The following FOCAD variants were observed in gnomAD, a reference collection of about 807,000 sequenced individuals.
The protein encoded by FOCAD is KIAA1797.
FOCAD carries 198 observed loss-of-function variants against 225.6 expected under a neutral mutation model. That is an observed-to-expected ratio of 0.88 (90% CI 0.78 to 0.99). The LOEUF is 0.99. FOCAD is among the 50% of genes least tolerant of loss of function. FOCAD has a pLI of 0.00. For synonymous variants in FOCAD, 897 were observed against 755.0 expected, an observed-to-expected ratio of 1.19 and a Z score of -3.08; for missense variants, 2,713 against 2,123.6, an observed-to-expected ratio of 1.28 and a Z score of -5.46.
intron 28 of FOCAD, among the ~76,000 whole-genome samples, chr9:20,941,472 GC>G (rs1489055813): frequency 6.6e-6 from 1 of 152,156 alleles, no homozygotes; most frequent in Non-Finnish European, 1.5e-5. Flanking sequence ...TACTTAATCT[GC>G]AGGATTGCCT....
At chr9:20,711,415 C>A (rs886907990) in intron 1 of FOCAD, among the ~76,000 whole-genome samples, 6 of 152,154 alleles carry the variant, frequency 3.9e-5, no homozygotes, top group Non-Finnish European at 5.9e-5. Flanking sequence ...ATTGAAAACC[C>A]GCTATGAAAA....
intron 18 of FOCAD, among the ~76,000 whole-genome samples, chr9:20,870,180 A>T (rs773830861): frequency 3.9e-5 from 6 of 152,202 alleles, no homozygotes; most frequent in Non-Finnish European, 8.8e-5. Flanking sequence ...TTCTAGGGTT[A>T]ATTTTAGAAA....
At chr9:20,678,905 T>G (rs2131294699) in intron 2 of FOCAD, among the ~76,000 whole-genome samples, 1 of 152,300 alleles carries the variant, frequency 6.6e-6, no homozygotes, top group Non-Finnish European at 1.5e-5. Flanking sequence ...GTTTCCTAGT[T>G]TGATTGTACC....
At chr9:20,794,752 C>A (rs1390124797) in intron 11 of FOCAD, among the ~76,000 whole-genome samples, 1 of 152,122 alleles carries the variant, frequency 6.6e-6, no homozygotes, top group South Asian at 2.1e-4. Context: ...TAATAGCACA[C>A]TGGGTATTGG....
In FOCAD at chr9:20,986,402, G is replaced by T. The variant is rs376770371; in HGVS notation, c.4843G>T (p.Val1615Leu). The change falls in exon 40 of 44, where the codon GTG (valine) becomes TTG (leucine). Residue 1615 changes from valine (V) to leucine (L), a missense_variant. By Grantham distance (32) the Val-to-Leu change is conservative. Coordinates refer to ENST00000338382, the MANE Select transcript of FOCAD (RefSeq NM_001375567.1). Reference sequence around the variant, plus strand: ...TGCTGTGCAGCACCGTGAGAAAGAGGTGTTGGCCTGGATGATTCTGCACAG... The same window carrying T: ...TGCTGTGCAGCACCGTGAGAAAGAGTTGTTGGCCTGGATGATTCTGCACAG... ...SVAVQHREKE[V>L]LAWMILHSLY... 1 of 1,613,058 alleles carries T rather than the reference G, an allele frequency of 6.2e-7. No individual in the cohort carries two copies.
At chr9:20,806,378 C>T (rs1171839932) in intron 11 of FOCAD, among the ~76,000 whole-genome samples, 4 of 152,114 alleles carry the variant, frequency 2.6e-5, no homozygotes, top group Non-Finnish European at 5.9e-5. Context: ...CTTTGTTCAG[C>T]CCAAGGTTGT....
chr9:20,868,597 AC>A (rs1051490181), intron 18 of FOCAD, among the ~76,000 whole-genome samples: 6 of 152,124 alleles, frequency 3.9e-5, no homozygotes, highest in Non-Finnish European at 7.4e-5. Context: ...TAAATGGTAA[AC>A]GTACTTAGAG....
intron 35 of FOCAD, among the ~76,000 whole-genome samples, chr9:20,963,444 C>A (rs1838951824): frequency 1.3e-5 from 2 of 152,144 alleles, no homozygotes; most frequent in Non-Finnish European, 2.9e-5. Context: ...TTGCCTGTTT[C>A]CCTAGATCCT....
At chr9:20,896,929 G>C (rs1192870027) in intron 21 of FOCAD, 2 of 151,764 alleles carry the variant, frequency 1.3e-5, no homozygotes, top group African/African-American at 4.8e-5. Flanking sequence ...TGGTGTTTTT[G>C]AGTTCAACTG....
chr9:20,932,800 A>AT (rs1229758766), intron 27 of FOCAD, among the ~76,000 whole-genome samples: 1 of 152,224 alleles, frequency 6.6e-6, no homozygotes, highest in African/African-American at 2.4e-5. Flanking sequence ...GCAAGTGATT[A>AT]TACTGCTCAG....
Position 20,949,617 on chromosome 9 carries a change from C to T in FOCAD, c.3890C>T (p.Ala1297Val). The change falls in exon 33 of 44, where the codon GCC becomes GTC. Residue 1297 changes from alanine to valine, a missense_variant. Ala to Val is a moderately conservative substitution (Grantham distance 64). Transcript: ENST00000338382. ...EGDVMQLKSEAIQTSHFQGRL... is the reference protein window; with the variant it reads ...EGDVMQLKSEVIQTSHFQGRL... ...TTATTCTTTCAGCTGAAATCAGAAGCCATCCAGACCTCTCATTTTCAAGGC... is the reference window on the plus strand; with the variant it reads ...TTATTCTTTCAGCTGAAATCAGAAGTCATCCAGACCTCTCATTTTCAAGGC... 6.2e-7 allele frequency: 1 copy of T among 1,613,016 alleles called. No individual in the cohort carries two copies. Among genetic ancestry groups the T allele is most frequent in the Non-Finnish European group, 8.5e-7 (1 of 1,179,252 alleles).
At chr9:20,874,084 C>CA (rs1830023252) in intron 18 of FOCAD, 1 of 152,056 alleles carries the variant, frequency 6.6e-6, no homozygotes, top group Non-Finnish European at 1.5e-5. Flanking sequence ...CAAAAATCCT[C>CA]AAAATGCAAA....
intron 5 of FOCAD, 67 bp from the exon 6 acceptor site, chr9:20,758,023 A>G (rs937411893): frequency 9.0e-6 from 9 of 1,005,388 alleles, no homozygotes; most frequent in Middle Eastern, 2.2e-4. Flanking sequence ...CTTTGCTGCT[A>G]TATTTGGATA....
intron 15 of FOCAD, among the ~76,000 whole-genome samples, chr9:20,830,721 A>G (rs1825396523): frequency 6.6e-6 from 1 of 152,014 alleles, no homozygotes; most frequent in Non-Finnish European, 1.5e-5. Flanking sequence ...TCTGACGGCC[A>G]TGCTGGAGTG....
intron 11 of FOCAD, among the ~76,000 whole-genome samples, chr9:20,810,406 G>A (rs1372666220): frequency 6.6e-6 from 1 of 152,066 alleles, no homozygotes; most frequent in Non-Finnish European, 1.5e-5. Flanking sequence ...AGTAGAAATT[G>A]CACCTAATTA....
At chr9:20,948,456 G>T (rs1445708932) in intron 31 of FOCAD, 63 bp downstream of exon 31, 2 of 1,561,886 alleles carry the variant, frequency 1.3e-6, no homozygotes, top group Admixed American at 1.8e-5. Context: ...TACTTTATTG[G>T]ATCATTTATA....
In FOCAD at chr9:20,912,829, C is replaced by T. The variant is rs184340713; in HGVS notation, c.2719-37C>T. On this transcript the variant is annotated intron_variant, in intron 22 of 43. Coordinates refer to ENST00000338382, the MANE Select transcript of FOCAD (RefSeq NM_001375567.1). Reference sequence around the variant, plus strand: ...GAAATTTTAAGATCACTTCAGCCATCGAGTTCACATGCTGATTTATGCTGT... The same window carrying T: ...GAAATTTTAAGATCACTTCAGCCATTGAGTTCACATGCTGATTTATGCTGT... 7.5e-4 allele frequency: 1,144 copies of T among 1,529,486 alleles called. 5 individuals carry two copies. In the African/African-American group the frequency reaches 0.014, roughly 18 times the overall value. The allele number at this position is 1,529,486 out of a possible 1,614,324, so 94.7% of individuals were successfully genotyped here. A position where few individuals can be genotyped will look rare whatever the true frequency, so the allele number is the denominator to read the frequency against.
intron 6 of FOCAD, among the ~76,000 whole-genome samples, chr9:20,764,365 T>C (rs1296242423): frequency 4.6e-5 from 7 of 152,196 alleles, no homozygotes. Context: ...GCGATTCTCC[T>C]GCCTCAGCCT....
intron 11 of FOCAD, among the ~76,000 whole-genome samples, chr9:20,813,844 A>G (rs1248450202): frequency 1.3e-5 from 2 of 152,162 alleles, no homozygotes; most frequent in East Asian, 3.8e-4. Context: ...ATCTACTATT[A>G]CTGTATTGCT....
Sources: gnomAD v4.1 joint callset for allele counts (sites outside exome capture counted in the v4.1 genomes callset) on GRCh38, gnomAD v4.1.1 for gene constraint, MANE v1.5 for transcripts, NCBI Gene and HGNC (gene_info 2026-07-23, HGNC 2026-07-21) for gene names.